Variants in CSMD1 observed in about 807,000 individuals in gnomAD.
The protein encoded by CSMD1 is CUB and Sushi multiple domains 1.
In CSMD1, 213 loss-of-function variants were observed where a neutral mutation model predicts 417.5. That is an observed-to-expected ratio of 0.51 (90% CI 0.46 to 0.57). CSMD1 has a LOEUF of 0.57. Among genes scored for constraint, CSMD1 ranks in the 20% least tolerant of loss-of-function variants. The pLI, the probability that CSMD1 is intolerant of heterozygous loss-of-function variation, is 0.00. For missense variants in CSMD1, 6,923 were observed against 4,529.7 expected, an observed-to-expected ratio of 1.53 and a Z score of -15.17; for synonymous variants, 2,862 against 1,736.8, an observed-to-expected ratio of 1.65 and a Z score of -16.11.
chr8:4,263,894 G>A (rs967113704), intron 3 of CSMD1, among the ~76,000 whole-genome samples: 1 of 152,102 alleles, frequency 6.6e-6, no homozygotes, highest in African/African-American at 2.4e-5. Flanking sequence ...AACAATTATA[G>A]ACACAATAGT....
chr8:2,981,985 A>G (rs1337386118), intron 54 of CSMD1, among the ~76,000 whole-genome samples: 4 of 152,170 alleles, frequency 2.6e-5, no homozygotes, highest in South Asian at 2.1e-4. Context: ...GAGGTGACTC[A>G]TTAAGCTATT....
intron 1 of CSMD1, among the ~76,000 whole-genome samples, chr8:4,892,461 C>T (rs1205402181): frequency 6.6e-6 from 1 of 152,036 alleles, no homozygotes; most frequent in Non-Finnish European, 1.5e-5. Context: ...AGGTTCATGT[C>T]TTTTAATCAC....
chr8:3,088,147 A>C (rs1814677060), intron 48 of CSMD1, among the ~76,000 whole-genome samples: 1 of 152,224 alleles, frequency 6.6e-6, no homozygotes, highest in Admixed American at 6.5e-5. Context: ...TTAAAACTAG[A>C]GATGGGCATT....
intron 1 of CSMD1, among the ~76,000 whole-genome samples, chr8:4,737,167 G>A (rs765150849): frequency 3.3e-5 from 5 of 152,138 alleles, no homozygotes; most frequent in Non-Finnish European, 7.3e-5. Flanking sequence ...AAAAAAGAAT[G>A]AGATCATGTC....
At chr8:3,438,077 G>A (rs1273060785) in intron 12 of CSMD1, among the ~76,000 whole-genome samples, 1 of 152,186 alleles carries the variant, frequency 6.6e-6, no homozygotes, top group Non-Finnish European at 1.5e-5. Flanking sequence ...TTACCCAGTA[G>A]AAAAGCTTCA....
chr8:3,205,628 T>C lies in CSMD1; in HGVS notation c.4868-8A>G. 7.1e-7 allele frequency: 1 copy of C among 1,410,844 alleles called. No homozygotes were observed. The highest frequency in any genetic ancestry group is 2.4e-5 in the East Asian group (1 of 42,412). The allele number at this position is 1,410,844 out of a possible 1,614,324, so 87.4% of individuals were successfully genotyped here. A position where few individuals can be genotyped will look rare whatever the true frequency, so the allele number is the denominator to read the frequency against. On this transcript the variant is annotated splice_polypyrimidine_tract_variant and splice_region_variant and intron_variant, in intron 30 of 69. Transcript: ENST00000635120. ...ACTGGCCTCCACAGGGAGCTGAAAA[T>C]AAAATCAACCGAGAATTAGTCGCTG... is the stretch of plus-strand genomic sequence containing the variant.
chr8:3,561,833 G>A (rs746519293), intron 10 of CSMD1, among the ~76,000 whole-genome samples: 2 of 152,222 alleles, frequency 1.3e-5, no homozygotes, highest in Non-Finnish European at 2.9e-5. Flanking sequence ...GTTAGTCACT[G>A]AGGAAGGAGA....
At chr8:3,973,910 T>C (rs1813243878) in intron 5 of CSMD1, among the ~76,000 whole-genome samples, 2 of 152,214 alleles carry the variant, frequency 1.3e-5, no homozygotes, top group Admixed American at 6.5e-5. Context: ...TGAAATGTTT[T>C]GATACAGGAA....
chr8:3,026,880 G>T (rs1227180686), intron 51 of CSMD1, among the ~76,000 whole-genome samples: 2 of 152,162 alleles, frequency 1.3e-5, no homozygotes, highest in Non-Finnish European at 2.9e-5. Flanking sequence ...TCCATAGAGG[G>T]TCTGCTGAAT....
At chr8:4,209,138 T>C (rs1800154078) in intron 3 of CSMD1, among the ~76,000 whole-genome samples, 1 of 152,202 alleles carries the variant, frequency 6.6e-6, no homozygotes, top group Non-Finnish European at 1.5e-5. Flanking sequence ...ATGATTTCTA[T>C]CTAAAACCAA....
chr8:3,689,513 T>C (rs1800122968), intron 7 of CSMD1, among the ~76,000 whole-genome samples: 1 of 152,202 alleles, frequency 6.6e-6, no homozygotes, highest in Non-Finnish European at 1.5e-5. Context: ...GCTCATACAT[T>C]TCCATTTTCT....
chr8:4,475,458 C>T (rs540938391), intron 2 of CSMD1, among the ~76,000 whole-genome samples: 4 of 151,902 alleles, frequency 2.6e-5, no homozygotes, highest in African/African-American at 9.7e-5. Flanking sequence ...GGAAGGCAAC[C>T]CCATTTGATT....
chr8:3,627,402 G>T (rs999153286), intron 7 of CSMD1, among the ~76,000 whole-genome samples: 3 of 152,074 alleles, frequency 2.0e-5, no homozygotes, highest in African/African-American at 7.2e-5. Context: ...AGAAATCACG[G>T]CATATCACCT....
At chr8:3,079,311 G>A (rs1471267) in intron 49 of CSMD1, among the ~76,000 whole-genome samples, 15,533 of 152,160 alleles carry the variant, frequency 0.1, 786 homozygotes, top group African/African-American at 0.14. Flanking sequence ...ATAAAAGTGT[G>A]TGTCTATATA....
intron 33 of CSMD1, among the ~76,000 whole-genome samples, chr8:3,199,245 G>C (rs1796863462): frequency 6.6e-6 from 1 of 152,108 alleles, no homozygotes; most frequent in African/African-American, 2.4e-5. Flanking sequence ...TAGGATAAGA[G>C]ATGCATGCGT....
intron 5 of CSMD1, among the ~76,000 whole-genome samples, chr8:3,878,524 A>C (rs553266847): frequency 3.9e-5 from 6 of 152,300 alleles, no homozygotes; most frequent in African/African-American, 1.4e-4. Flanking sequence ...TTATTTATTT[A>C]AAAAATGAAA....
chr8:4,065,015 A>G (rs151258574), intron 3 of CSMD1, among the ~76,000 whole-genome samples: 161 of 152,244 alleles, frequency 1.1e-3, no homozygotes, highest in African/African-American at 3.7e-3. Flanking sequence ...TAAGTTGTTC[A>G]TTTTTAAAAA....
chr8:3,984,579 A>G (rs1278913298), intron 5 of CSMD1, among the ~76,000 whole-genome samples: 3 of 151,294 alleles, frequency 2.0e-5, no homozygotes, highest in African/African-American at 2.4e-5. Context: ...GCCAAGTACA[A>G]TATTTGGATT....
intron 3 of CSMD1, among the ~76,000 whole-genome samples, chr8:4,254,047 G>C (rs1444314104): frequency 1.3e-5 from 2 of 150,464 alleles, no homozygotes; most frequent in Admixed American, 6.7e-5. Flanking sequence ...CTCCCAAGTA[G>C]CTGGGACTAC....
Sources: allele counts gnomAD v4.1 joint callset (sites outside exome capture counted in the v4.1 genomes callset), GRCh38; gene constraint gnomAD v4.1.1; transcripts MANE v1.5; gene names NCBI Gene and HGNC (gene_info 2026-07-23, HGNC 2026-07-21).